The following KCNQ2 variants were observed in gnomAD, a reference collection of about 807,000 sequenced individuals.
The protein encoded by KCNQ2 is potassium voltage-gated channel subfamily Q member 2.
A neutral mutation model predicts 84.8 loss-of-function variants in KCNQ2; 14 were observed. That is an observed-to-expected ratio of 0.17 (90% CI 0.11 to 0.26). The LOEUF (loss-of-function observed/expected upper bound fraction) is 0.26. Among genes scored for constraint, KCNQ2 ranks in the 10% least tolerant of loss-of-function variants. The probability of loss-of-function intolerance (pLI) is 1.00; values close to 1 mark genes in which losing one functional copy is unlikely to be tolerated. For missense variants in KCNQ2, 788 were observed against 1,254.0 expected, an observed-to-expected ratio of 0.63 and a Z score of 5.61; for synonymous variants, 599 against 554.1, an observed-to-expected ratio of 1.08 and a Z score of -1.14.
intron 1 of KCNQ2, chr20:63,466,778 C>A (rs899816956): frequency 6.6e-6 from 1 of 152,342 alleles, no homozygotes. Flanking sequence ...CCGAGCCTCA[C>A]GCCCCACGGG....
chr20:63,438,595 T>C lies in KCNQ2; in HGVS notation c.1023+30A>G, dbSNP rs775990170. 74 of 1,590,862 alleles carry C rather than the reference T, an allele frequency of 4.7e-5. No homozygotes were observed. Among genetic ancestry groups the C allele is most frequent in the Non-Finnish European group, 6.3e-5 (73 of 1,159,816 alleles). ...CAAGGTGGGACCAGGACAAGGGCTG[T>C]GCTGGTCCCCGGGGGACACCTGGAC... On this transcript the variant is annotated intron_variant, in intron 7 of 16. Coordinates refer to ENST00000359125, the MANE Select transcript of KCNQ2 (RefSeq NM_172107.4). This position sits in a 1 kb window ranked among gnomAD's most constrained non-coding sequence, Gnocchi z 5.1.
chr20:63,417,898 C>T (rs931152129), intron 12 of KCNQ2, among the ~76,000 whole-genome samples: 12 of 152,300 alleles, frequency 7.9e-5, no homozygotes, highest in African/African-American at 2.9e-4. Flanking sequence ...ACGTGTACTG[C>T]CCCAGACAGA....
intron 10 of KCNQ2, 27 bp downstream of exon 10, chr20:63,428,340 C>A (rs1158677963): frequency 1.3e-6 from 2 of 1,540,480 alleles, no homozygotes; most frequent in Non-Finnish European, 1.8e-6. Context: ...GACGCCCACC[C>A]GCCCCACCTG....
In KCNQ2 at chr20:63,446,157, G is replaced by A. The variant is rs573135528; in HGVS notation, c.387+590C>T. On this transcript the variant is annotated intron_variant, in intron 2 of 16. Coordinates refer to ENST00000359125, the MANE Select transcript of KCNQ2 (RefSeq NM_172107.4). The surrounding 1 kb of genome is among the most constrained non-coding windows in gnomAD (Gnocchi z 5.5). ...GGGGTGCACAGCAGGGCTGAGCTGA[G>A]GGAAGGCCCCAGGTAACTGCAAAGG... The A allele has an allele frequency of 1.5e-5, 4 of 273,920 alleles. No individual in the cohort carries two copies. Among genetic ancestry groups the A allele is most frequent in the Admixed American group, 5.2e-5 (1 of 19,178 alleles). The allele number at this position is 273,920 out of a possible 1,614,324, so 17.0% of individuals were successfully genotyped here.
Position 63,437,726 on chromosome 20 carries a change from C to T in KCNQ2, c.1023+899G>A, listed in dbSNP as rs144709615. ...ACATTCCGCTGGCAGGGATCCTGGT[C>T]AGCTCTGCGGGTCCAGTGGATGGAA... On this transcript the variant is annotated intron_variant, in intron 7 of 16. Coordinates refer to ENST00000359125, the MANE Select transcript of KCNQ2 (RefSeq NM_172107.4). Among the ~76,000 whole-genome samples the T allele has an allele frequency of 8.3e-3, 1,270 of 152,378 alleles. 17 individuals are homozygous for T. Among genetic ancestry groups the T allele is most frequent in the African/African-American group, 0.028 (1,182 of 41,596 alleles).
intron 6 of KCNQ2, 131 bp downstream of exon 6, chr20:63,439,460 CCTGGGGG>C: frequency 1.4e-6 from 1 of 714,182 alleles, no homozygotes; most frequent in Non-Finnish European, 2.5e-6. Flanking sequence ...ACCTCCAGCT[CCTGGGGG>C]CTGTGGACCT....
In KCNQ2 at chr20:63,415,089, G is replaced by C. The variant is rs773193623; in HGVS notation, c.1339C>G (p.Pro447Ala). Residue 447 changes from proline to alanine, a missense_variant, in exon 13 of 17, where the codon CCC (proline) becomes GCC (alanine). Transcript: ENST00000359125. ...VSLKDRVFSS[P>A]RGVAAKGKGS... Reference sequence around the variant, plus strand: ...TTCCCCTTGGCAGCCACGCCTCGGGGGCTGGAGAAGACACGATCTTTCAAA... The same window carrying C: ...TTCCCCTTGGCAGCCACGCCTCGGGCGCTGGAGAAGACACGATCTTTCAAA... 45 of 1,603,956 alleles carry C rather than the reference G, an allele frequency of 2.8e-5. No individual in the cohort carries two copies. Among genetic ancestry groups the C allele is most frequent in the Non-Finnish European group, 3.7e-5 (44 of 1,179,904 alleles).
At chr20:63,418,219 A>G (rs1214373614) in intron 12 of KCNQ2, among the ~76,000 whole-genome samples, 1 of 152,140 alleles carries the variant, frequency 6.6e-6, no homozygotes, top group East Asian at 1.9e-4. Context: ...AGCTGCCGCC[A>G]CCCACCTGGG....
Position 63,408,686 on chromosome 20 carries a change from G to T in KCNQ2, c.1764-150C>A. On this transcript the variant is annotated intron_variant, in intron 15 of 16. Coordinates refer to ENST00000359125, the MANE Select transcript of KCNQ2 (RefSeq NM_172107.4). The surrounding 1 kb of genome is among the most constrained non-coding windows in gnomAD (Gnocchi z 5.0). ...GGGGGCAGTGGGTGCCAGGACAGAT[G>T]GACGGGGTGCGCCCCGTTCTCAGCC... 8.1e-7 allele frequency: 1 copy of T among 1,240,152 alleles called. No homozygotes were observed. The highest frequency in any genetic ancestry group is 1.1e-6 in the Non-Finnish European group (1 of 880,122). 76.8% of individuals were successfully genotyped at this position (1,240,152 alleles called of 1,614,324 possible). A position where few individuals can be genotyped will look rare whatever the true frequency, so the allele number is the denominator to read the frequency against.
Position 63,407,069 on chromosome 20 carries a change from G to A in KCNQ2, c.2194C>T (p.Pro732Ser), listed in dbSNP as rs749597397. Residue 732 changes from proline to serine, a missense_variant, in exon 17 of 17, where the codon CCC (proline) becomes TCC (serine). By Grantham distance (74) the Pro-to-Ser change is moderately conservative (BLOSUM62 -1). Around this residue, in one of 8 missense-constraint regions of KCNQ2, gnomAD observed 378 missense variants for 434.5 expected, o/e 0.87. Coordinates refer to ENST00000359125, the MANE Select transcript of KCNQ2 (RefSeq NM_172107.4). This position sits in a 1 kb window ranked among gnomAD's most constrained non-coding sequence, Gnocchi z 7.2. ...ACCAGGGAGCCGTGGTCCCCCACGG[G>A]GGAGGTGCCGTGGCCCTGGCGCGGG... ...SHPRQGHGTS[P>S]VGDHGSLVRI... The A allele has an allele frequency of 1.1e-5, 17 of 1,526,310 alleles. No individual in the cohort carries two copies. Among genetic ancestry groups the A allele is most frequent in the Non-Finnish European group, 9.7e-6 (11 of 1,138,704 alleles). The allele number at this position is 1,526,310 out of a possible 1,614,324, so 94.5% of individuals were successfully genotyped here.
At chr20:63,439,821 C>G (rs555937176) in intron 5 of KCNQ2, 113 bp from the exon 6 acceptor site, 1 of 795,140 alleles carries the variant, frequency 1.3e-6, no homozygotes, top group Non-Finnish European at 2.2e-6. Context: ...GGGCCACCCC[C>G]GTGTCACCAT....
rs970671996 is a variant in KCNQ2 at position 63,405,364 on chromosome 20, T to A, written c.*1280A>T. ...GACTCGCTCCCGCATTAGAGCCGCC[T>A]GCCCCAAGGGCCACGGTGCCCACAA... On this transcript the variant is annotated 3_prime_UTR_variant, in exon 17 of 17. Transcript: ENST00000359125. The A allele has an allele frequency of 2.0e-5, 3 of 152,222 alleles. No homozygotes were observed. The highest frequency in any genetic ancestry group is 4.4e-5 in the Non-Finnish European group (3 of 68,070). 9.4% of individuals were successfully genotyped at this position (152,222 alleles called of 1,614,324 possible).
chr20:63,463,526 G>C (rs763998219), intron 1 of KCNQ2, among the ~76,000 whole-genome samples: 1 of 152,118 alleles, frequency 6.6e-6, no homozygotes, highest in Non-Finnish European at 1.5e-5. Context: ...CCCTGCACCC[G>C]CACACAGGGG....
At chr20:63,434,702 A>T (rs550665088) in intron 7 of KCNQ2, 1 of 152,278 alleles carries the variant, frequency 6.6e-6, no homozygotes, top group East Asian at 1.9e-4. Context: ...CGCAAGCTGC[A>T]CGGCCTTCCC....
intron 4 of KCNQ2, 102 bp from the exon 5 acceptor site, chr20:63,442,633 C>CACCACCACCAAA (rs1210698658): frequency 7.9e-7 from 1 of 1,270,376 alleles, no homozygotes; most frequent in Non-Finnish European, 1.1e-6. Flanking sequence ...TGACCACCAT[C>CACCACCACCAAA]ACCACCACCA....
At chr20:63,415,170 G>A (rs1353542894) in intron 12 of KCNQ2, 44 bp from the exon 13 acceptor site, 1 of 868,558 alleles carries the variant, frequency 1.2e-6, no homozygotes, top group Non-Finnish European at 1.8e-6. Context: ...AACAGGGAGA[G>A]AAGTCACTCT....
In KCNQ2 at chr20:63,414,323, G is replaced by A. The variant is rs768068257; in HGVS notation, c.1526-130C>T. ...AGGCTCCCTGTGGTGCCCCTCGGGTGCACCTGCTTTTCTGGAAACCCACCC... is the reference window on the plus strand; with the variant it reads ...AGGCTCCCTGTGGTGCCCCTCGGGTACACCTGCTTTTCTGGAAACCCACCC... On this transcript the variant is annotated intron_variant, in intron 13 of 16. Coordinates refer to ENST00000359125, the MANE Select transcript of KCNQ2 (RefSeq NM_172107.4). The surrounding 1 kb of genome is among the most constrained non-coding windows in gnomAD (Gnocchi z 6.6). 21 of 669,636 alleles carry A rather than the reference G, an allele frequency of 3.1e-5. No homozygotes were observed. Among genetic ancestry groups the A allele is most frequent in the Non-Finnish European group, 5.3e-5 (20 of 377,272 alleles). 41.5% of individuals were successfully genotyped at this position (669,636 alleles called of 1,614,324 possible).
At position 63,401,458 on chromosome 20, in the gene KCNQ2, C is replaced by T. The variant is rs1157355052; in HGVS notation, c.*5186G>A. ...GACCCCGGAGTCCACCATCCCACAT[C>T]CTTCAGGAAGCCGCCCTGGCTGTCT... On this transcript the variant is annotated 3_prime_UTR_variant, in exon 17 of 17. Coordinates refer to ENST00000359125, the MANE Select transcript of KCNQ2 (RefSeq NM_172107.4). 1 of 152,456 alleles carries T rather than the reference C, an allele frequency of 6.6e-6. No homozygotes were observed. Among genetic ancestry groups the T allele is most frequent in the African/African-American group, 2.4e-5 (1 of 41,480 alleles). The allele number at this position is 152,456 out of a possible 1,614,324, so 9.4% of individuals were successfully genotyped here. A position where few individuals can be genotyped will look rare whatever the true frequency, so the allele number is the denominator to read the frequency against.
At chr20:63,466,235 C>T (rs562657624) in intron 1 of KCNQ2, among the ~76,000 whole-genome samples, 1 of 152,168 alleles carries the variant, frequency 6.6e-6, no homozygotes, top group East Asian at 1.9e-4. Context: ...GACAAACAGG[C>T]AAGCTTCCCA....
Sources: gnomAD v4.1 joint callset for allele counts (sites outside exome capture counted in the v4.1 genomes callset) on GRCh38, gnomAD v4.1.1 for gene constraint, gnomAD v4.1.1 regional missense constraint, Gnocchi (gnomAD v3.1) non-coding constraint, MANE v1.5 for transcripts, NCBI Gene and HGNC (gene_info 2026-07-23, HGNC 2026-07-21) for gene names.